The following CDH2 variants were observed in gnomAD, a reference collection of about 807,000 sequenced individuals.
CDH2 encodes the protein cadherin 2, also known as cadherin-2.
CDH2 carries 17 observed loss-of-function variants against 92.0 expected under a neutral mutation model. That is an observed-to-expected ratio of 0.18 (90% CI 0.13 to 0.28). CDH2 has a LOEUF of 0.28. Ranked by LOEUF, CDH2 falls within the 10% of genes least tolerant of loss-of-function variation. CDH2 has a pLI of 1.00. For synonymous variants in CDH2, 419 were observed against 415.9 expected (o/e 1.01, Z -0.09); for missense variants, 862 against 1,133.1 (o/e 0.76, Z 3.44).
intron 2 of CDH2, among the ~76,000 whole-genome samples, chr18:28,129,368 G>T (rs1293061878): frequency 1.3e-5 from 2 of 152,142 alleles, no homozygotes; most frequent in Admixed American, 6.5e-5. Context: ...CTTTAATTGT[G>T]CTGTCAAAAA....
chr18:28,043,198 A>G (rs2013983172), intron 2 of CDH2, among the ~76,000 whole-genome samples: 1 of 152,072 alleles, frequency 6.6e-6, no homozygotes, highest in Non-Finnish European at 1.5e-5. Flanking sequence ...TAACTCAGGA[A>G]TAGAAAACCA....
intron 14 of CDH2, among the ~76,000 whole-genome samples, chr18:27,973,755 T>A (rs932259900): frequency 3.3e-5 from 5 of 152,030 alleles, no homozygotes; most frequent in Non-Finnish European, 7.4e-5. Flanking sequence ...GAATTAGGAG[T>A]GGAAGGGATG....
intron 2 of CDH2, among the ~76,000 whole-genome samples, chr18:28,090,972 T>C (rs937449918): frequency 3.9e-5 from 6 of 152,192 alleles, no homozygotes; most frequent in Non-Finnish European, 7.4e-5. Flanking sequence ...TGAAAAAGCA[T>C]TTGTCTCTAC....
chr18:28,001,836 C>T (rs2012776256), intron 7 of CDH2, among the ~76,000 whole-genome samples: 1 of 152,236 alleles, frequency 6.6e-6, no homozygotes, highest in African/African-American at 2.4e-5. Flanking sequence ...ATGTTTTCTT[C>T]TATTCAATTC....
chr18:28,159,314 G>A (rs1200689139), intron 1 of CDH2: 2 of 152,230 alleles, frequency 1.3e-5, no homozygotes, highest in Non-Finnish European at 2.9e-5. Context: ...GGAAGGAAGT[G>A]GGCATGTCTT....
At chr18:28,077,987 G>A (rs548073530) in intron 2 of CDH2, among the ~76,000 whole-genome samples, 1 of 150,834 alleles carries the variant, frequency 6.6e-6, no homozygotes, top group Non-Finnish European at 1.5e-5. Context: ...AATCGAATCT[G>A]TGGCTATTGC....
chr18:28,076,086 G>A (rs907412379), intron 2 of CDH2, among the ~76,000 whole-genome samples: 1 of 152,014 alleles, frequency 6.6e-6, no homozygotes, highest in African/African-American at 2.4e-5. Flanking sequence ...AATGGAATGA[G>A]GTACCTTTCA....
At chr18:28,011,787 A>G in intron 4 of CDH2, 59 bp downstream of exon 4, 1 of 1,514,446 alleles carries the variant, frequency 6.6e-7, no homozygotes. Flanking sequence ...ATAGACAGAA[A>G]TATTTTTAAC....
intron 2 of CDH2, among the ~76,000 whole-genome samples, chr18:28,040,446 AACAG>A (rs2013926720): frequency 1.3e-5 from 2 of 152,220 alleles, no homozygotes; most frequent in African/African-American, 4.8e-5. Context: ...AAATTCCATG[AACAG>A]ACAATGTTAA....
chr18:27,949,698 C>T (rs1236469035), downstream of CDH2, among the ~76,000 whole-genome samples: 3 of 151,906 alleles, frequency 2.0e-5, no homozygotes, highest in African/African-American at 4.8e-5. Flanking sequence ...CTAGATCAAC[C>T]AGCTAAACAG....
intron 2 of CDH2, among the ~76,000 whole-genome samples, chr18:28,035,298 G>C (rs1466961395): frequency 6.6e-6 from 1 of 151,956 alleles, no homozygotes; most frequent in Admixed American, 6.6e-5. Flanking sequence ...CAGGTTCAGA[G>C]TCATTTGCTT....
In CDH2 at chr18:28,002,984, T is replaced by C. The variant is rs1249565694; in HGVS notation, c.1020+13A>G. On this transcript the variant is annotated intron_variant, in intron 7 of 15. Coordinates refer to ENST00000269141, the MANE Select transcript of CDH2 (RefSeq NM_001792.5). Reference sequence around the variant, plus strand: ...TTAAAAACAAACACAAATAGAGTTTTTGGTTGGCTTACTTCTCGATCAAGT... The same window carrying C: ...TTAAAAACAAACACAAATAGAGTTTCTGGTTGGCTTACTTCTCGATCAAGT... 1 of 1,611,210 alleles carries C rather than the reference T, an allele frequency of 6.2e-7. No homozygotes were observed. The highest frequency in any genetic ancestry group is 8.5e-7 in the Non-Finnish European group (1 of 1,177,596).
chr18:28,007,875 G>A (rs925652380), intron 5 of CDH2, among the ~76,000 whole-genome samples: 3 of 152,008 alleles, frequency 2.0e-5, no homozygotes, highest in African/African-American at 7.2e-5. Context: ...GATTACAGGC[G>A]TGCACCACTG....
At chr18:28,174,649 C>T (rs2016511045) in intron 1 of CDH2, among the ~76,000 whole-genome samples, 1 of 152,146 alleles carries the variant, frequency 6.6e-6, no homozygotes, top group Non-Finnish European at 1.5e-5. Context: ...TTTAGAAACA[C>T]TTAAGAAAAA....
At chr18:28,153,520 G>A (rs193082794) in intron 1 of CDH2, among the ~76,000 whole-genome samples, 1 of 152,304 alleles carries the variant, frequency 6.6e-6, no homozygotes, top group East Asian at 1.9e-4. Flanking sequence ...ACATGGTTTG[G>A]GGAAATCTGC....
intron 9 of CDH2, among the ~76,000 whole-genome samples, chr18:27,991,456 A>C (rs146491140): frequency 1.4e-4 from 22 of 152,304 alleles, no homozygotes; most frequent in African/African-American, 5.1e-4. Context: ...CCAGAAAGTT[A>C]AGACTGCAAT....
intron 7 of CDH2, among the ~76,000 whole-genome samples, chr18:27,997,802 C>T (rs1251478969): frequency 6.6e-6 from 1 of 151,832 alleles, no homozygotes; most frequent in African/African-American, 2.4e-5. Flanking sequence ...ATTTGTGACT[C>T]TGTTCAAATT....
chr18:28,139,325 T>TACACAA (rs2015915713), intron 2 of CDH2, among the ~76,000 whole-genome samples: 1 of 151,988 alleles, frequency 6.6e-6, no homozygotes, highest in Non-Finnish European at 1.5e-5. Flanking sequence ...TTGACCTCAT[T>TACACAA]ACACAAACAT....
chr18:28,155,657 C>T lies in CDH2; in HGVS notation c.61-7873G>A, dbSNP rs142282030. On this transcript the variant is annotated intron_variant, in intron 1 of 15. Coordinates refer to ENST00000269141, the MANE Select transcript of CDH2 (RefSeq NM_001792.5). ...GGTTATGTCTTCCAAACGACATAAG[C>T]GAACATAAACAGTTAATGAAGACAC... Among the ~76,000 whole-genome samples the T allele has an allele frequency of 2.7e-3, 406 of 152,134 alleles. 4 individuals carry two copies. In the South Asian group the frequency reaches 0.027, roughly 10 times the overall value.
Sources: gnomAD v4.1 joint callset for allele counts (sites outside exome capture counted in the v4.1 genomes callset) on GRCh38, gnomAD v4.1.1 for gene constraint, MANE v1.5 for transcripts, NCBI Gene and HGNC (gene_info 2026-07-23, HGNC 2026-07-21) for gene names.